Variants in TTC28 observed in about 807,000 individuals in gnomAD.
TTC28 encodes tetratricopeptide repeat protein 28.
TTC28 carries 61 observed loss-of-function variants against 198.0 expected under a neutral mutation model. The ratio of observed to expected loss-of-function variants is 0.31; its 90% CI spans 0.25 to 0.38. The LOEUF is 0.38. Among genes scored for constraint, TTC28 ranks in the 10% least tolerant of loss-of-function variants. The probability of loss-of-function intolerance (pLI) is 1.00; values close to 1 mark genes in which losing one functional copy is unlikely to be tolerated. For synonymous variants in TTC28, 1,171 were observed against 1,297.8 expected (o/e 0.90, Z 2.10); for missense variants, 2,678 against 3,164.0 (o/e 0.85, Z 3.69).
chr22:28,570,914 T>TG (rs2146025666), intron 2 of TTC28, among the ~76,000 whole-genome samples: 1 of 152,270 alleles, frequency 6.6e-6, no homozygotes, highest in South Asian at 2.1e-4. Context: ...GGGAATTCCT[T>TG]GAGCCTTTGT....
chr22:28,617,039 G>C (rs1467717609), intron 2 of TTC28, among the ~76,000 whole-genome samples: 1 of 152,058 alleles, frequency 6.6e-6, no homozygotes, highest in Non-Finnish European at 1.5e-5. Flanking sequence ...CTTTTCCACT[G>C]ACCCTTGAAG....
intron 22 of TTC28, 127 bp downstream of exon 22, chr22:27,985,122 T>TAACA: frequency 1.5e-6 from 1 of 682,364 alleles, no homozygotes. Flanking sequence ...AACTGTTCCC[T>TAACA]AACAAACATA....
intron 2 of TTC28, among the ~76,000 whole-genome samples, chr22:28,369,013 G>T (rs2046288742): frequency 6.6e-6 from 1 of 151,660 alleles, no homozygotes; most frequent in African/African-American, 2.4e-5. Flanking sequence ...AATACCAATG[G>T]CATTCTTCAC....
chr22:28,148,640 A>G (rs189274206), intron 6 of TTC28, among the ~76,000 whole-genome samples: 2 of 151,750 alleles, frequency 1.3e-5, no homozygotes, highest in African/African-American at 2.4e-5. Flanking sequence ...ATCAAGTTCT[A>G]GCTTCTATAT....
At chr22:28,109,094 A>C (rs115786523) in intron 6 of TTC28, among the ~76,000 whole-genome samples, 1,750 of 152,344 alleles carry the variant, frequency 0.011, 31 homozygotes, top group African/African-American at 0.04. Flanking sequence ...ACTCGAGGGA[A>C]AGTATCCTAA....
chr22:28,531,318 T>C (rs1404088710), intron 2 of TTC28, among the ~76,000 whole-genome samples: 1 of 152,168 alleles, frequency 6.6e-6, no homozygotes, highest in African/African-American at 2.4e-5. Context: ...AAGAAGGCCA[T>C]TACATAATGG....
In TTC28 at chr22:28,340,745, T is replaced by C. The variant is rs553370162; in HGVS notation, c.382-34102A>G. 1.1e-4 allele frequency among the ~76,000 whole-genome samples: 17 copies of C among 152,326 alleles called. 1 individual carries two copies. The highest frequency in any genetic ancestry group is 3.8e-4 in the African/African-American group (16 of 41,580). ...AACCTAATCTGAGTCACAATCCTCTTTAATTGGAAGTTACTGCAGTAATTA... is the reference window on the plus strand; with the variant it reads ...AACCTAATCTGAGTCACAATCCTCTCTAATTGGAAGTTACTGCAGTAATTA... On this transcript the variant is annotated intron_variant, in intron 2 of 22. Coordinates refer to ENST00000397906, the MANE Select transcript of TTC28 (RefSeq NM_001145418.2).
At chr22:28,020,315 T>C (rs540942810) in intron 13 of TTC28, among the ~76,000 whole-genome samples, 55 of 152,188 alleles carry the variant, frequency 3.6e-4, no homozygotes, top group Non-Finnish European at 7.6e-4. Context: ...ACTCTGTCTT[T>C]ATTGGTTTAT....
At chr22:28,566,908 C>A (rs997419995) in intron 2 of TTC28, among the ~76,000 whole-genome samples, 1 of 151,814 alleles carries the variant, frequency 6.6e-6, no homozygotes, top group Admixed American at 6.6e-5. Context: ...ACATGGGAGA[C>A]ACCATCTCTA....
At chr22:28,168,884 C>A (rs1225957216) in intron 5 of TTC28, among the ~76,000 whole-genome samples, 5 of 152,284 alleles carry the variant, frequency 3.3e-5, no homozygotes, top group Admixed American at 3.3e-4. Context: ...AGTGAACAGG[C>A]ACCCTACAGA....
chr22:28,479,272 G>A (rs1267929220), intron 2 of TTC28, among the ~76,000 whole-genome samples: 1 of 152,170 alleles, frequency 6.6e-6, no homozygotes, highest in Middle Eastern at 3.2e-3. Flanking sequence ...CACAGCAGGT[G>A]GAAGGAGGGG....
In TTC28 at chr22:28,036,885, T is replaced by C. The variant is rs1252304221; in HGVS notation, c.3933-6519A>G. Reference sequence around the variant, plus strand: ...TACAAACTACCATCAGAGAATACTATAAACACCTCTACGCAAATAAACTAG... The same window carrying C: ...TACAAACTACCATCAGAGAATACTACAAACACCTCTACGCAAATAAACTAG... On this transcript the variant is annotated intron_variant, in intron 12 of 22. Coordinates refer to ENST00000397906, the MANE Select transcript of TTC28 (RefSeq NM_001145418.2). Among the ~76,000 whole-genome samples, 11 of 152,212 alleles carry C rather than the reference T, an allele frequency of 7.2e-5. No homozygotes were observed. In the East Asian group the frequency reaches 7.7e-4, roughly 11 times the overall value.
chr22:28,305,633 C>T (rs2045128920), intron 3 of TTC28, among the ~76,000 whole-genome samples: 1 of 152,096 alleles, frequency 6.6e-6, no homozygotes, highest in Admixed American at 6.5e-5. Flanking sequence ...CAAAAACATA[C>T]CACTTCAGAC....
chr22:28,606,083 C>CT lies in TTC28; in HGVS notation c.381+23468dup, dbSNP rs201564745. On this transcript the variant is annotated intron_variant, in intron 2 of 22. Transcript: ENST00000397906. ...TCCATAATATATATAATTGTGAATA[C>CT]TTTTTTTTTTTGTTTTTTGAGACGA... Among the ~76,000 whole-genome samples the CT allele has an allele frequency of 6.9e-3, 972 of 141,128 alleles. 33 individuals carry two copies. Among genetic ancestry groups the CT allele is most frequent in the African/African-American group, 0.014 (546 of 38,682 alleles). The allele number at this position is 141,128 out of a possible 152,430, so 92.6% of individuals were successfully genotyped here. A position where few individuals can be genotyped will look rare whatever the true frequency, so the allele number is the denominator to read the frequency against.
intron 2 of TTC28, among the ~76,000 whole-genome samples, chr22:28,535,914 T>TA (rs1156502037): frequency 1.3e-5 from 2 of 151,420 alleles, no homozygotes; most frequent in Admixed American, 6.6e-5. Context: ...CTTTATAAAT[T>TA]AAAAAAAAGA....
At chr22:28,459,540 G>C (rs1033078298) in intron 2 of TTC28, among the ~76,000 whole-genome samples, 1 of 152,092 alleles carries the variant, frequency 6.6e-6, no homozygotes, top group African/African-American at 2.4e-5. Flanking sequence ...AAGTGCCACC[G>C]ACCCCCCTCC....
chr22:28,647,566 G>C (rs974785246), intron 1 of TTC28, among the ~76,000 whole-genome samples: 3 of 152,120 alleles, frequency 2.0e-5, no homozygotes, highest in African/African-American at 7.2e-5. Flanking sequence ...TGGGCCAGGC[G>C]TGGTGGCTCA....
intron 12 of TTC28, among the ~76,000 whole-genome samples, chr22:28,080,880 T>G (rs1168510509): frequency 1.3e-5 from 2 of 152,098 alleles, no homozygotes; most frequent in African/African-American, 4.8e-5. Context: ...TAAATAAGGG[T>G]CCAACGTTTT....
intron 5 of TTC28, among the ~76,000 whole-genome samples, chr22:28,182,662 T>G (rs1923810998): frequency 6.6e-6 from 1 of 152,178 alleles, no homozygotes; most frequent in Non-Finnish European, 1.5e-5. Flanking sequence ...GCTCCTAATA[T>G]AGGCTAAGAT....
Sources: gnomAD v4.1 joint callset for allele counts (sites outside exome capture counted in the v4.1 genomes callset) on GRCh38, gnomAD v4.1.1 for gene constraint, MANE v1.5 for transcripts, NCBI Gene and HGNC (gene_info 2026-07-23, HGNC 2026-07-21) for gene names.